The following PTP4A3 variants were observed in gnomAD, a reference collection of about 807,000 sequenced individuals.
PTP4A3 encodes the protein protein tyrosine phosphatase 4A3, also known as protein tyrosine phosphatase type IVA 3.
PTP4A3 carries 9 observed loss-of-function variants against 15.2 expected under a neutral mutation model. That is an observed-to-expected ratio of 0.59 (90% confidence interval 0.36 to 1.03). The LOEUF (loss-of-function observed/expected upper bound fraction) is 1.03. Ranked by LOEUF, PTP4A3 falls within the 50% of genes least tolerant of loss-of-function variation. The pLI is 0.02. For missense variants in PTP4A3, 234 were observed against 252.1 expected, an observed-to-expected ratio of 0.93 and a Z score of 0.49; for synonymous variants, 95 against 102.0, an observed-to-expected ratio of 0.93 and a Z score of 0.41.
chr8:141,426,079 C>T (rs952455155), intron 3 of PTP4A3, among the ~76,000 whole-genome samples: 1 of 152,284 alleles, frequency 6.6e-6, no homozygotes, highest in East Asian at 1.9e-4. Context: ...GTAGCCGTGA[C>T]ACCGGTTGTC....
chr8:141,427,545 C>T (rs1833634655), intron 4 of PTP4A3, among the ~76,000 whole-genome samples: 1 of 152,222 alleles, frequency 6.6e-6, no homozygotes, highest in Admixed American at 6.5e-5. Flanking sequence ...CCCAGCAGAT[C>T]ACAGAGAGGT....
In PTP4A3 at chr8:141,427,882, G is replaced by A; in HGVS notation, c.404+58G>A. 5 of 1,468,582 alleles carry A rather than the reference G, an allele frequency of 3.4e-6. No homozygotes were observed. In the South Asian group the frequency reaches 4.9e-5, roughly 14 times the overall value. 91.0% of individuals were successfully genotyped at this position (1,468,582 alleles called of 1,614,324 possible). ...GCGCTGGGGGAGGGGAGATCCGGCT[G>A]CCCACGAAGGGTGGCGGCATTGGCT... On this transcript the variant is annotated intron_variant, in intron 5 of 5. Transcript: ENST00000521578.
intron 1 of PTP4A3, among the ~76,000 whole-genome samples, chr8:141,420,822 C>T (rs764089330): frequency 1.1e-4 from 16 of 152,222 alleles, no homozygotes; most frequent in Non-Finnish European, 1.8e-4. Flanking sequence ...CCCACGGCCG[C>T]GTGTGGGGCC....
intron 1 of PTP4A3, among the ~76,000 whole-genome samples, chr8:141,402,784 C>T (rs1032576526): frequency 6.7e-6 from 1 of 148,774 alleles, no homozygotes; most frequent in Non-Finnish European, 1.5e-5. Context: ...TACTCATGAT[C>T]GTCTTGAGTA....
chr8:141,421,171 C>T (rs1007900507), intron 1 of PTP4A3, among the ~76,000 whole-genome samples: 1 of 152,224 alleles, frequency 6.6e-6, no homozygotes, highest in Non-Finnish European at 1.5e-5. Context: ...ACCCTGTCGC[C>T]TCTGGGCCCT....
chr8:141,426,927 T>C lies in PTP4A3; in HGVS notation c.199-12T>C. On this transcript the variant is annotated splice_polypyrimidine_tract_variant and intron_variant, in intron 3 of 5. Transcript: ENST00000521578. The stretch of plus-strand genomic sequence containing the variant: ...CTCAGCCGGGGGTCCTCATGTCTGC[T>C]TCCCTCCGTAGGACTGGCCGTTTGA... 1.2e-6 allele frequency: 2 copies of C among 1,610,272 alleles called. No individual in the cohort carries two copies. The highest frequency in any genetic ancestry group is 1.7e-6 in the Non-Finnish European group (2 of 1,179,178).
intron 1 of PTP4A3, among the ~76,000 whole-genome samples, chr8:141,394,924 G>A (rs138746128): frequency 2.7e-3 from 405 of 152,382 alleles, no homozygotes; most frequent in Non-Finnish European, 5.1e-3. Flanking sequence ...GGTGTGTGCG[G>A]TTGGGGGCGG....
intron 3 of PTP4A3, 135 bp from the exon 4 acceptor site, chr8:141,426,804 C>T (rs1486049206): frequency 7.0e-7 from 1 of 1,435,034 alleles, no homozygotes; most frequent in African/African-American, 1.4e-5. Context: ...TGTGTGCCCT[C>T]TGGGTCTGCT....
At chr8:141,410,218 G>A (rs956657451) in intron 1 of PTP4A3, among the ~76,000 whole-genome samples, 21 of 152,274 alleles carry the variant, frequency 1.4e-4, no homozygotes, top group African/African-American at 4.8e-4. Context: ...ACGGGCAGGA[G>A]TCGGGAGGCC....
At chr8:141,404,436 C>G (rs75654502) in intron 1 of PTP4A3, among the ~76,000 whole-genome samples, 4,799 of 152,302 alleles carry the variant, frequency 0.032, 102 homozygotes, top group Non-Finnish European at 0.046. Context: ...CTCTCTCCCC[C>G]TGTCCTGGGG....
chr8:141,417,254 G>T (rs1833091288), intron 1 of PTP4A3, among the ~76,000 whole-genome samples: 1 of 152,278 alleles, frequency 6.6e-6, no homozygotes, highest in East Asian at 1.9e-4. Flanking sequence ...GGTGTTCCTC[G>T]TTGCAGTGCC....
At chr8:141,419,149 GGGGTGGTT>G (rs1833203029) in intron 1 of PTP4A3, among the ~76,000 whole-genome samples, 2 of 152,260 alleles carry the variant, frequency 1.3e-5, no homozygotes, top group African/African-American at 4.8e-5. Flanking sequence ...GGGGTAGTGT[GGGGTGGTT>G]CGGAGCCTCC....
intron 2 of PTP4A3, among the ~76,000 whole-genome samples, chr8:141,422,907 G>GT (rs1265315999): frequency 6.6e-6 from 1 of 152,234 alleles, no homozygotes; most frequent in Non-Finnish European, 1.5e-5. Context: ...GACGAGATGC[G>GT]TTTACAGAAG....
intron 1 of PTP4A3, among the ~76,000 whole-genome samples, chr8:141,396,885 A>T (rs1225986313): frequency 1.3e-5 from 2 of 152,144 alleles, no homozygotes; most frequent in African/African-American, 4.8e-5. Flanking sequence ...TTCCAGACAC[A>T]GTGGATGAAC....
intron 1 of PTP4A3, among the ~76,000 whole-genome samples, chr8:141,396,460 A>T (rs1047167324): frequency 3.3e-5 from 5 of 152,136 alleles, no homozygotes; most frequent in African/African-American, 1.2e-4. Context: ...GCTCCAGGTC[A>T]TCAGGTGGTA....
intron 1 of PTP4A3, among the ~76,000 whole-genome samples, chr8:141,398,261 C>G (rs1305575866): frequency 6.6e-6 from 1 of 152,188 alleles, no homozygotes; most frequent in Non-Finnish European, 1.5e-5. Flanking sequence ...TCTGCACTTG[C>G]CAATAAGAGG....
At chr8:141,399,279 C>T (rs562035280) in intron 1 of PTP4A3, among the ~76,000 whole-genome samples, 57 of 152,340 alleles carry the variant, frequency 3.7e-4, no homozygotes, top group African/African-American at 1.3e-3. Context: ...CTCGCCTGGT[C>T]CTGGGGCCCC....
At chr8:141,430,070 T>C (rs1193534526) in intron 5 of PTP4A3, among the ~76,000 whole-genome samples, 9 of 101,374 alleles carry the variant, frequency 8.9e-5, no homozygotes, top group East Asian at 3.7e-4. Flanking sequence ...GAGCGCACAG[T>C]CCGGGTCCCC....
intron 1 of PTP4A3, among the ~76,000 whole-genome samples, chr8:141,410,233 C>T (rs968239616): frequency 4.6e-5 from 7 of 152,254 alleles, no homozygotes; most frequent in African/African-American, 1.7e-4. Flanking sequence ...GAGGCCCCGG[C>T]CCCCAGGCTC....
Sources: allele counts gnomAD v4.1 joint callset (sites outside exome capture counted in the v4.1 genomes callset), GRCh38; gene constraint gnomAD v4.1.1; transcripts MANE v1.5; gene names NCBI Gene and HGNC (gene_info 2026-07-23, HGNC 2026-07-21).